The following CCDC149 variants were observed in gnomAD, a reference collection of about 807,000 sequenced individuals.
CCDC149 encodes the protein coiled-coil domain-containing protein 149.
Under a neutral mutation model 59.9 loss-of-function variants are expected in CCDC149, and 45 were observed. The observed-to-expected ratio is 0.75, with a 90% CI of 0.59 to 0.96. The LOEUF (loss-of-function observed/expected upper bound fraction) is 0.96. CCDC149 is among the 40% of genes least tolerant of loss of function. The probability of loss-of-function intolerance (pLI) is 0.00; values close to 1 mark genes in which losing one functional copy is unlikely to be tolerated. For synonymous variants in CCDC149, 245 were observed against 260.6 expected (o/e 0.94, Z 0.58); for missense variants, 584 against 664.7 (o/e 0.88, Z 1.33).
At chr4:24,912,707 G>GT (rs1290944758) in intron 1 of CCDC149, 110 bp downstream of exon 1, 21 of 749,660 alleles carry the variant, frequency 2.8e-5, no homozygotes, top group Admixed American at 1.0e-4. Context: ...GCCACTTGGA[G>GT]TGCGCGCCCC....
chr4:24,835,123 G>C, intron 7 of CCDC149, 91 bp from the exon 8 acceptor site: 2 of 806,138 alleles, frequency 2.5e-6, no homozygotes, highest in Middle Eastern at 2.4e-4. Flanking sequence ...CGGCCCACAA[G>C]AACCCCTTGC....
chr4:24,890,461 T>C (rs1405109640), intron 1 of CCDC149, among the ~76,000 whole-genome samples: 1 of 151,938 alleles, frequency 6.6e-6, no homozygotes, highest in Non-Finnish European at 1.5e-5. Context: ...CAAAGGAGAG[T>C]TGGAAGGATT....
intron 9 of CCDC149, 72 bp downstream of exon 9, chr4:24,831,434 G>C: frequency 6.6e-7 from 1 of 1,520,738 alleles, no homozygotes; most frequent in Non-Finnish European, 9.0e-7. Flanking sequence ...CCAGCTGGTT[G>C]ACATTCACTT....
rs371832927 is a variant in CCDC149 at position 24,977,850 on chromosome 4, T to C, written c.-65+2219A>G. ...AGGTATGCTATAAATCTATGCTACC[T>C]GGCTGGGCACAGTGGCTCATGCCTG... On this transcript the variant is annotated intron_variant, in intron 1 of 12. Coordinates refer to the CCDC149 transcript ENST00000389609. Among the ~76,000 whole-genome samples, 39 of 152,350 alleles carry C rather than the reference T, an allele frequency of 2.6e-4. 2 individuals are homozygous for C. The East Asian group carries it at 3.7e-3, about 14-fold the overall frequency.
chr4:24,823,760 G>T (rs1715555306), intron 9 of CCDC149, among the ~76,000 whole-genome samples: 1 of 152,160 alleles, frequency 6.6e-6, no homozygotes, highest in Admixed American at 6.5e-5. Context: ...TGAGTTCACA[G>T]AAAACTCTGG....
intron 1 of CCDC149, among the ~76,000 whole-genome samples, chr4:24,970,282 C>T (rs1263876729): frequency 2.6e-5 from 4 of 152,220 alleles, no homozygotes; most frequent in African/African-American, 9.7e-5. Context: ...TTTCCAGCAA[C>T]AGCTGTGGAT....
intron 9 of CCDC149, chr4:24,827,134 TGA>T (rs1424207440): frequency 1.3e-5 from 2 of 152,216 alleles, no homozygotes; most frequent in Non-Finnish European, 2.9e-5. Context: ...GAGTCTGTGA[TGA>T]GGAGTCTGTG....
chr4:24,837,162 C>T lies in CCDC149; in HGVS notation c.662+66G>A. 1.4e-6 allele frequency: 2 copies of T among 1,467,194 alleles called. No homozygotes were observed. The highest frequency in any genetic ancestry group is 2.3e-5 in the East Asian group (1 of 43,514). The allele number at this position is 1,467,194 out of a possible 1,614,324, so 90.9% of individuals were successfully genotyped here. ...AAAATAAATAGGGCTGCAAATAACT[C>T]CCAGCCTGCAGGCCTGTGCAGAGCC... is the stretch of plus-strand genomic sequence containing the variant. On this transcript the variant is annotated intron_variant, in intron 6 of 12. Coordinates refer to ENST00000635206, the MANE Select transcript of CCDC149 (RefSeq NM_001330643.2). The surrounding 1 kb of genome is among the most constrained non-coding windows in gnomAD (Gnocchi z 4.3).
At chr4:24,966,831 G>A (rs187933489) in intron 1 of CCDC149, among the ~76,000 whole-genome samples, 5 of 152,296 alleles carry the variant, frequency 3.3e-5, no homozygotes, top group East Asian at 1.9e-4. Flanking sequence ...TGTTTGATTA[G>A]GGAACTGGCC....
chr4:24,906,641 G>A (rs1338679667), intron 1 of CCDC149, among the ~76,000 whole-genome samples: 10 of 151,794 alleles, frequency 6.6e-5, no homozygotes, highest in Admixed American at 5.9e-4. Flanking sequence ...CGGGTGATAC[G>A]CCTGCCTCAG....
chr4:24,859,141 G>A (rs939824924), intron 3 of CCDC149, among the ~76,000 whole-genome samples: 49 of 152,206 alleles, frequency 3.2e-4, no homozygotes, highest in African/African-American at 1.2e-3. Flanking sequence ...TAGGCATACA[G>A]TAGAAACTGT....
intron 12 of CCDC149, among the ~76,000 whole-genome samples, chr4:24,813,964 C>A (rs1714842907): frequency 6.6e-6 from 1 of 152,186 alleles, no homozygotes; most frequent in Non-Finnish European, 1.5e-5. Context: ...TGGGTTTCAG[C>A]TGAGTAAGGT....
rs61406129 is a variant in CCDC149 at position 24,876,292 on chromosome 4, T to TACACACAC, written c.225+236_225+243dup. Among the ~76,000 whole-genome samples, 94 of 124,798 alleles carry TACACACAC rather than the reference T, an allele frequency of 7.5e-4. 1 individual carries two copies. Among genetic ancestry groups the TACACACAC allele is most frequent in the African/African-American group, 2.7e-3 (87 of 32,658 alleles). The allele number at this position is 124,798 out of a possible 152,430, so 81.9% of individuals were successfully genotyped here. On this transcript the variant is annotated intron_variant, in intron 2 of 12. Transcript: ENST00000635206. Reference sequence around the variant, plus strand: ...AGCAAGAAGCATATACATACACACGTACACACACACACACACACACACACA... The same window carrying TACACACAC: ...AGCAAGAAGCATATACATACACACGTACACACACACACACACACACACACACACACACA...
intron 3 of CCDC149, among the ~76,000 whole-genome samples, chr4:24,859,023 G>GAACCAATGGGAGA: frequency 6.6e-6 from 1 of 152,216 alleles, no homozygotes; most frequent in Non-Finnish European, 1.5e-5. Context: ...GATGTGACAT[G>GAACCAATGGGAGA]TTTTTTAAAC....
At chr4:24,887,081 T>A (rs1046270978) in intron 1 of CCDC149, among the ~76,000 whole-genome samples, 1 of 152,294 alleles carries the variant, frequency 6.6e-6, no homozygotes, top group African/African-American at 2.4e-5. Flanking sequence ...GTGCTCATCA[T>A]GTGCTCATCA....
intron 12 of CCDC149, among the ~76,000 whole-genome samples, chr4:24,813,330 C>G (rs944977617): frequency 6.6e-6 from 1 of 151,744 alleles, no homozygotes; most frequent in African/African-American, 2.4e-5. Flanking sequence ...AACACTCAGT[C>G]TATGGTAGTC....
chr4:24,908,424 A>G (rs895430462), intron 1 of CCDC149, among the ~76,000 whole-genome samples: 3 of 151,910 alleles, frequency 2.0e-5, no homozygotes, highest in African/African-American at 7.3e-5. Flanking sequence ...TAGGCCAGGC[A>G]CGGTGGCTCA....
At chr4:24,859,593 C>T (rs1172079884) in intron 3 of CCDC149, among the ~76,000 whole-genome samples, 1 of 152,126 alleles carries the variant, frequency 6.6e-6, no homozygotes, top group East Asian at 1.9e-4. Context: ...GAAGTCCTAG[C>T]AAGAGCAATC....
At chr4:24,977,747 G>C (rs1724270495) in intron 1 of CCDC149, among the ~76,000 whole-genome samples, 1 of 152,192 alleles carries the variant, frequency 6.6e-6, no homozygotes, top group Admixed American at 6.5e-5. Flanking sequence ...AGGTCTGCCT[G>C]TTAGGAATAT....
Sources: allele counts gnomAD v4.1 joint callset (sites outside exome capture counted in the v4.1 genomes callset), GRCh38; gene constraint gnomAD v4.1.1; non-coding constraint Gnocchi (gnomAD v3.1); transcripts MANE v1.5; gene names NCBI Gene and HGNC (gene_info 2026-07-23, HGNC 2026-07-21).